The following TBL1Y variants were observed in gnomAD, a reference collection of about 807,000 sequenced individuals.
The protein encoded by TBL1Y is F-box-like/WD repeat-containing protein TBL1Y.
A neutral mutation model predicts 12.0 loss-of-function variants in TBL1Y; 15 were observed. That is an observed-to-expected ratio of 1.25 (90% CI 0.83 to 1.92). TBL1Y has a LOEUF of 1.92. Ranked by LOEUF, TBL1Y falls within the 40% of genes most tolerant of loss-of-function variation. TBL1Y has a pLI of 0.00. For missense variants in TBL1Y, 148 were observed against 116.7 expected (o/e 1.27, Z -1.24); for synonymous variants, 53 against 42.6 (o/e 1.24, Z -0.95).
chrY:7,063,438 C>G (rs1006801683), intron 7 of TBL1Y, among the ~76,000 whole-genome samples: 2 of 32,572 alleles, frequency 6.1e-5, no homozygotes, highest in Non-Finnish European at 1.5e-4. Flanking sequence ...TGGCTAATTT[C>G]AAGAGAGTGA....
intron 6 of TBL1Y, among the ~76,000 whole-genome samples, chrY:7,027,335 G>A: frequency 3.0e-5 from 1 of 33,448 alleles, no homozygotes; most frequent in Non-Finnish European, 7.4e-5. Flanking sequence ...TTATTGAGCC[G>A]CAATCAAGAA....
chrY:6,994,584 T>A, intron 3 of TBL1Y, among the ~76,000 whole-genome samples: 2 of 34,214 alleles, frequency 5.8e-5, no homozygotes, highest in African/African-American at 2.3e-4. Flanking sequence ...CAATAACAAT[T>A]GTACTCTTTT....
At chrY:7,034,687 G>A (rs2012677627) in intron 6 of TBL1Y, among the ~76,000 whole-genome samples, 1 of 33,090 alleles carries the variant, frequency 3.0e-5, no homozygotes, top group Non-Finnish European at 7.4e-5. Context: ...TATGATCTTC[G>A]ACACACCTGA....
chrY:6,956,001 A>T, intron 2 of TBL1Y, among the ~76,000 whole-genome samples: 1 of 33,868 alleles, frequency 3.0e-5, no homozygotes, highest in African/African-American at 1.2e-4. Context: ...CTAGAACTAC[A>T]TATTTCCTCA....
intron 6 of TBL1Y, among the ~76,000 whole-genome samples, chrY:7,038,477 C>T: frequency 3.1e-5 from 1 of 31,945 alleles, no homozygotes; most frequent in Non-Finnish European, 7.5e-5. Flanking sequence ...ACCTCCCCAC[C>T]GTGGTGGGGT....
chrY:6,947,388 C>A, intron 2 of TBL1Y, among the ~76,000 whole-genome samples: 2 of 33,561 alleles, frequency 6.0e-5, no homozygotes, highest in Admixed American at 2.7e-4. Flanking sequence ...CTTTTATTTT[C>A]TTTTGAAGTT....
chrY:7,010,763 C>T (rs2012515136), intron 4 of TBL1Y, among the ~76,000 whole-genome samples: 1 of 32,305 alleles, frequency 3.1e-5, no homozygotes. Context: ...GGTGAAACCC[C>T]GCCTCTGCTA....
intron 7 of TBL1Y, among the ~76,000 whole-genome samples, chrY:7,061,549 C>G (rs550196679): frequency 8.8e-3 from 282 of 32,175 alleles, no homozygotes; most frequent in South Asian, 0.024. Flanking sequence ...CTCTCTTTCT[C>G]TCTCTCTCTC....
At chrY:7,024,163 C>T in intron 5 of TBL1Y, among the ~76,000 whole-genome samples, 3 of 33,553 alleles carry the variant, frequency 8.9e-5, no homozygotes, top group Non-Finnish European at 2.2e-4. Flanking sequence ...TGGGAATTTG[C>T]GTTGGTTCCA....
At chrY:6,980,124 G>C in intron 3 of TBL1Y, among the ~76,000 whole-genome samples, 2 of 33,412 alleles carry the variant, frequency 6.0e-5, no homozygotes, top group East Asian at 8.0e-4. Context: ...CATTAGATTT[G>C]GGTGGGGACA....
intron 6 of TBL1Y, among the ~76,000 whole-genome samples, chrY:7,029,305 C>A: frequency 3.0e-5 from 1 of 33,239 alleles, no homozygotes; most frequent in African/African-American, 1.2e-4. Context: ...GATGGGCTTC[C>A]TCTGTCACCC....
intron 3 of TBL1Y, among the ~76,000 whole-genome samples, chrY:6,981,987 C>T: frequency 3.9e-4 from 13 of 33,118 alleles, no homozygotes. Context: ...ATGATATAGC[C>T]AAAACCAGGT....
intron 7 of TBL1Y, 129 bp downstream of exon 7, chrY:7,043,254 G>A: frequency 9.8e-6 from 2 of 204,218 alleles, no homozygotes; most frequent in Middle Eastern, 1.1e-3. Context: ...GGGTGCAGTG[G>A]CTCATACCTG....
chrY:6,991,935 G>A, intron 3 of TBL1Y, among the ~76,000 whole-genome samples: 2 of 34,127 alleles, frequency 5.9e-5, no homozygotes, highest in Non-Finnish European at 1.5e-4. Flanking sequence ...AAACCTTGGG[G>A]AATGTCTTCT....
chrY:6,979,509 A>G, intron 3 of TBL1Y, among the ~76,000 whole-genome samples: 1 of 33,835 alleles, frequency 3.0e-5, no homozygotes, highest in African/African-American at 1.2e-4. Context: ...CTTTACATAC[A>G]GTGTTACTAT....
At position 7,041,059 on chromosome Y, in the gene TBL1Y, G is replaced by A. The variant is rs758304355; in HGVS notation, c.59-1921G>A. ...GGAGCCGTAATCAGCACCTAATGCT[G>A]TATTCTTCTGAATTCAGTAGATGTT... On this transcript the variant is annotated intron_variant, in intron 6 of 18. Coordinates refer to ENST00000383032, the MANE Select transcript of TBL1Y (RefSeq NM_033284.2). Among the ~76,000 whole-genome samples, 6 of 34,436 alleles carry A rather than the reference G, an allele frequency of 1.7e-4. No individual in the cohort carries two copies. In the East Asian group the frequency reaches 4.6e-3, roughly 27 times the overall value. 92.4% of individuals were successfully genotyped at this position (34,436 alleles called of 37,273 possible). A position where few individuals can be genotyped will look rare whatever the true frequency, so the allele number is the denominator to read the frequency against.
intron 7 of TBL1Y, among the ~76,000 whole-genome samples, chrY:7,063,166 A>G: frequency 3.0e-5 from 1 of 33,581 alleles, no homozygotes; most frequent in Non-Finnish European, 7.4e-5. Context: ...GGGAAATGTA[A>G]TCCCGGACGA....
At chrY:7,089,101 G>T in intron 17 of TBL1Y, among the ~76,000 whole-genome samples, 1 of 33,429 alleles carries the variant, frequency 3.0e-5, no homozygotes. Flanking sequence ...GGGATTACAG[G>T]CATGAGCCAC....
chrY:7,044,952 T>C, intron 7 of TBL1Y, among the ~76,000 whole-genome samples: 1 of 33,443 alleles, frequency 3.0e-5, no homozygotes, highest in African/African-American at 1.2e-4. Flanking sequence ...AGCTCATTTG[T>C]TTCTTACATT....
Sources: gnomAD v4.1 joint callset for allele counts (sites outside exome capture counted in the v4.1 genomes callset) on GRCh38, gnomAD v4.1.1 for gene constraint, MANE v1.5 for transcripts, NCBI Gene and HGNC (gene_info 2026-07-23, HGNC 2026-07-21) for gene names.